AUTS2: variants seen among roughly 807,000 people sequenced by gnomAD.
The protein encoded by AUTS2 is activator of transcription and developmental regulator AUTS2, also known as autism susceptibility gene 2 protein.
Under a neutral mutation model 112.4 loss-of-function variants are expected in AUTS2, and 17 were observed. The ratio of observed to expected loss-of-function variants is 0.15; its 90% CI spans 0.10 to 0.23. The LOEUF (loss-of-function observed/expected upper bound fraction) is 0.23, where lower values mean the gene tolerates loss of function less well. AUTS2 is among the 10% of genes least tolerant of loss of function. The pLI is 1.00. For missense variants in AUTS2, 1,510 were observed against 1,701.6 expected (o/e 0.89, Z 1.98); for synonymous variants, 751 against 702.7 (o/e 1.07, Z -1.09).
intron 4 of AUTS2, among the ~76,000 whole-genome samples, chr7:70,257,140 G>A (rs1584940724): frequency 6.6e-6 from 1 of 152,106 alleles, no homozygotes; most frequent in South Asian, 2.1e-4. Flanking sequence ...CTGTTTTTTA[G>A]TTTTTGTTTT....
At chr7:70,484,523 TAGAC>T (rs1413348370) in intron 5 of AUTS2, among the ~76,000 whole-genome samples, 2 of 152,218 alleles carry the variant, frequency 1.3e-5, no homozygotes, top group Non-Finnish European at 2.9e-5. Flanking sequence ...TTCTCATTCT[TAGAC>T]AAGCTAGTTA....
intron 4 of AUTS2, among the ~76,000 whole-genome samples, chr7:70,184,295 G>C (rs1171315477): frequency 6.6e-6 from 1 of 152,170 alleles, no homozygotes; most frequent in Non-Finnish European, 1.5e-5. Flanking sequence ...CCACAGAGAA[G>C]AGCAAATGCC....
At chr7:70,304,388 C>T (rs1789389296) in intron 4 of AUTS2, among the ~76,000 whole-genome samples, 1 of 152,196 alleles carries the variant, frequency 6.6e-6, no homozygotes, top group African/African-American at 2.4e-5. Context: ...CGATATATCT[C>T]TTCGTGTGAC....
chr7:70,270,563 G>A lies in AUTS2; in HGVS notation c.660+135992G>A, dbSNP rs539538913. ...AAGGAGTTTGGACTTAATCCTGTGGGCATGCAGGACCCTTTGAAAGATTTG... is the reference window on the plus strand; with the variant it reads ...AAGGAGTTTGGACTTAATCCTGTGGACATGCAGGACCCTTTGAAAGATTTG... On this transcript the variant is annotated intron_variant, in intron 4 of 18. Transcript: ENST00000342771. Among the ~76,000 whole-genome samples the A allele has an allele frequency of 2.6e-5, 4 of 152,274 alleles. No homozygotes were observed. In the South Asian group the frequency reaches 8.3e-4, roughly 32 times the overall value.
At chr7:69,839,764 A>C (rs760343224) in intron 1 of AUTS2, among the ~76,000 whole-genome samples, 1 of 152,122 alleles carries the variant, frequency 6.6e-6, no homozygotes, top group Non-Finnish European at 1.5e-5. Flanking sequence ...TCACTGCCTC[A>C]CGAATGGTCT....
chr7:69,680,858 C>T (rs1472499832), intron 1 of AUTS2, among the ~76,000 whole-genome samples: 1 of 152,114 alleles, frequency 6.6e-6, no homozygotes, highest in African/African-American at 2.4e-5. Flanking sequence ...TTAGTAGAGA[C>T]AGGGTTTCAC....
intron 1 of AUTS2, among the ~76,000 whole-genome samples, chr7:69,625,650 G>C (rs1793908979): frequency 6.6e-6 from 1 of 152,130 alleles, no homozygotes; most frequent in Non-Finnish European, 1.5e-5. Context: ...CTTGAGTCCA[G>C]GGGTTTGAGA....
chr7:70,561,333 AG>A (rs2129523323), intron 5 of AUTS2, among the ~76,000 whole-genome samples: 1 of 152,334 alleles, frequency 6.6e-6, no homozygotes, highest in African/African-American at 2.4e-5. Context: ...AAGTAGCCAT[AG>A]GGTAGCCATA....
At chr7:70,086,214 G>T (rs781568076) in intron 2 of AUTS2, among the ~76,000 whole-genome samples, 24 of 152,026 alleles carry the variant, frequency 1.6e-4, no homozygotes, top group Non-Finnish European at 3.2e-4. Context: ...AGACCTGCTG[G>T]GATTTTTATT....
At chr7:69,608,505 C>G (rs1343175698) in intron 1 of AUTS2, among the ~76,000 whole-genome samples, 1 of 152,038 alleles carries the variant, frequency 6.6e-6, no homozygotes, top group Non-Finnish European at 1.5e-5. Context: ...CTTCTTTTTT[C>G]TTGTTTTCTT....
At chr7:70,408,656 C>T (rs1794644962) in intron 4 of AUTS2, among the ~76,000 whole-genome samples, 1 of 152,198 alleles carries the variant, frequency 6.6e-6, no homozygotes, top group Admixed American at 6.5e-5. Context: ...TCCCCCACCA[C>T]CTCCCCAGTC....
intron 2 of AUTS2, among the ~76,000 whole-genome samples, chr7:69,958,781 G>T (rs1797318040): frequency 6.6e-6 from 1 of 152,166 alleles, no homozygotes; most frequent in Admixed American, 6.5e-5. Context: ...CCTGAGGAAG[G>T]CCTGAGAATG....
At chr7:69,985,227 T>TGA (rs1470693399) in intron 2 of AUTS2, among the ~76,000 whole-genome samples, 11 of 104,686 alleles carry the variant, frequency 1.1e-4, no homozygotes, top group African/African-American at 3.7e-4. Flanking sequence ...GAAGACTCTC[T>TGA]AAAAAAAAAA....
At chr7:70,216,932 C>T (rs1202727481) in intron 4 of AUTS2, among the ~76,000 whole-genome samples, 1 of 152,070 alleles carries the variant, frequency 6.6e-6, no homozygotes, top group African/African-American at 2.4e-5. Flanking sequence ...TTTTTTGAGA[C>T]AGAATCTTGC....
chr7:70,423,562 G>A (rs1267370088), intron 4 of AUTS2, among the ~76,000 whole-genome samples: 5 of 152,128 alleles, frequency 3.3e-5, no homozygotes, highest in African/African-American at 1.2e-4. Context: ...TTGTACCTAT[G>A]CATTTTACTT....
At chr7:70,606,664 C>G (rs1057113130) in intron 5 of AUTS2, among the ~76,000 whole-genome samples, 2 of 152,008 alleles carry the variant, frequency 1.3e-5, no homozygotes, top group African/African-American at 4.8e-5. Context: ...AGTTCGAGAC[C>G]AGCCTCATCA....
chr7:70,151,844 C>A (rs1024003849), intron 4 of AUTS2, among the ~76,000 whole-genome samples: 1 of 152,002 alleles, frequency 6.6e-6, no homozygotes, highest in African/African-American at 2.4e-5. Flanking sequence ...CATTCAATTA[C>A]GAATTACCAG....
chr7:69,749,784 A>G (rs1474955234), intron 1 of AUTS2, among the ~76,000 whole-genome samples: 1 of 152,250 alleles, frequency 6.6e-6, no homozygotes, highest in Non-Finnish European at 1.5e-5. Flanking sequence ...GAAATACACA[A>G]AAATAAATAA....
At chr7:69,836,434 A>G (rs1415665460) in intron 1 of AUTS2, among the ~76,000 whole-genome samples, 2 of 152,222 alleles carry the variant, frequency 1.3e-5, no homozygotes, top group Non-Finnish European at 2.9e-5. Context: ...TAAGGATACT[A>G]TATTCCGAAG....
Sources: gnomAD v4.1 joint callset for allele counts (sites outside exome capture counted in the v4.1 genomes callset) on GRCh38, gnomAD v4.1.1 for gene constraint, MANE v1.5 for transcripts, NCBI Gene and HGNC (gene_info 2026-07-23, HGNC 2026-07-21) for gene names.